DORIP1: variants seen among roughly 807,000 people sequenced by gnomAD.
The protein encoded by DORIP1 is dopamine receptor-interacting protein 1.
the DORIP1 span, chr14:44,906,847 A>G: frequency 6.6e-6 from 1 of 152,516 alleles, no homozygotes; most frequent in Admixed American, 6.6e-5. Context: ...ATATGGGTGA[A>G]ACATTACTGA....
At chr14:44,897,377 G>C in the DORIP1 span, 2 of 159,428 alleles carry the variant, frequency 1.3e-5, no homozygotes, top group Admixed American at 6.5e-5. Context: ...AGCTGCTGTG[G>C]CTCCCGCCGC....
At chr14:44,905,214 A>C in the DORIP1 span, 1 of 456,430 alleles carries the variant, frequency 2.2e-6, no homozygotes, top group Non-Finnish European at 3.7e-6. Flanking sequence ...CCACATTTCC[A>C]ATTTTATTAC....
At chr14:44,901,767 C>T in the DORIP1 span, among the ~76,000 whole-genome samples, 1 of 152,162 alleles carries the variant, frequency 6.6e-6, no homozygotes, top group Admixed American at 6.5e-5. Flanking sequence ...CTTGGCATCT[C>T]ACATGTGGAT....
chr14:44,901,254 A>G, the DORIP1 span, among the ~76,000 whole-genome samples: 2 of 152,342 alleles, frequency 1.3e-5, no homozygotes, highest in East Asian at 3.9e-4. Context: ...TATACCATCT[A>G]GTTTTGTGTA....
chr14:44,905,588 C>G, the DORIP1 span: 4 of 1,370,622 alleles, frequency 2.9e-6, no homozygotes, highest in Non-Finnish European at 3.9e-6. Flanking sequence ...CCCTCCTGCC[C>G]ATGCTCTCCC....
At chr14:44,903,361 G>A in the DORIP1 span, 1 of 1,530,468 alleles carries the variant, frequency 6.5e-7, no homozygotes, top group Non-Finnish European at 8.9e-7. Context: ...CTAGGCAGAT[G>A]TGCTCCTTGA....
the DORIP1 span, chr14:44,897,468 GGCA>G: frequency 2.4e-5 from 5 of 212,454 alleles, no homozygotes; most frequent in South Asian, 1.3e-4. Context: ...TCATAGATGA[GGCA>G]GCGGCGGCGG....
At chr14:44,903,432 G>A in the DORIP1 span, 1 of 1,434,848 alleles carries the variant, frequency 7.0e-7, no homozygotes, top group Non-Finnish European at 9.2e-7. Context: ...TTTTGTTACG[G>A]AGTATATCAC....
chr14:44,898,386 G>A, the DORIP1 span, among the ~76,000 whole-genome samples: 1 of 152,164 alleles, frequency 6.6e-6, no homozygotes, highest in Non-Finnish European at 1.5e-5. Context: ...TTCTCTTAGA[G>A]TGTAAGGGTA....
the DORIP1 span, chr14:44,904,399 G>T: frequency 1.2e-6 from 2 of 1,610,290 alleles, no homozygotes; most frequent in South Asian, 2.2e-5. Context: ...TTTTAGGTGT[G>T]GTGGCTTAAG....
chr14:44,903,860 T>C, the DORIP1 span: 1 of 985,132 alleles, frequency 1.0e-6, no homozygotes, highest in Non-Finnish European at 1.2e-6. Context: ...GGTTTTCTGG[T>C]TAATTTGGTT....
the DORIP1 span, chr14:44,900,849 T>C: frequency 6.2e-7 from 1 of 1,614,036 alleles, no homozygotes; most frequent in South Asian, 1.1e-5. Context: ...AGCATGATAA[T>C]TTTACAAAAA....
At chr14:44,898,053 A>G in the DORIP1 span, among the ~76,000 whole-genome samples, 1 of 152,200 alleles carries the variant, frequency 6.6e-6, no homozygotes, top group Non-Finnish European at 1.5e-5. Context: ...GTTTTGTCAA[A>G]GAAATAGAGG....
At chr14:44,901,472 A>G in the DORIP1 span, among the ~76,000 whole-genome samples, 1 of 152,236 alleles carries the variant, frequency 6.6e-6, no homozygotes, top group Non-Finnish European at 1.5e-5. Flanking sequence ...TTACATCCAA[A>G]CATCTTATAA....
At chr14:44,897,772 C>T in the DORIP1 span, among the ~76,000 whole-genome samples, 2 of 152,272 alleles carry the variant, frequency 1.3e-5, no homozygotes, top group East Asian at 3.9e-4. Flanking sequence ...GCGCGGCTGC[C>T]CAGGGCCAGG....
the DORIP1 span, chr14:44,897,471 A>AGCGGCGGCGGCG: frequency 5.7e-5 from 12 of 211,306 alleles, 1 homozygote; most frequent in East Asian, 3.3e-4. Flanking sequence ...TAGATGAGGC[A>AGCGGCGGCGGCG]GCGGCGGCGG....
chr14:44,902,873 T>G, the DORIP1 span, among the ~76,000 whole-genome samples: 1 of 152,222 alleles, frequency 6.6e-6, no homozygotes, highest in Non-Finnish European at 1.5e-5. Context: ...ATCAGGTAAC[T>G]AATCAGCTGC....
the DORIP1 span, chr14:44,906,206 G>C: frequency 6.6e-6 from 1 of 151,578 alleles, no homozygotes; most frequent in Admixed American, 6.6e-5. Flanking sequence ...GATTTTAAGT[G>C]ATAGCTAAGC....
the DORIP1 span, chr14:44,903,675 C>T: frequency 2.1e-5 from 21 of 985,264 alleles, no homozygotes; most frequent in Non-Finnish European, 2.2e-5. Context: ...ATATTCATCC[C>T]AATCTCTTAA....
Sources: gnomAD v4.1 joint callset for allele counts (sites outside exome capture counted in the v4.1 genomes callset) on GRCh38, gnomAD v4.1.1 for gene constraint, MANE v1.5 for transcripts, NCBI Gene and HGNC (gene_info 2026-07-23, HGNC 2026-07-21) for gene names.